The following MEGF9 variants were observed in gnomAD, a reference collection of about 807,000 sequenced individuals.
The protein encoded by MEGF9 is multiple EGF like domains 9.
A neutral mutation model predicts 46.8 loss-of-function variants in MEGF9; 6 were observed. The ratio of observed to expected loss-of-function variants is 0.13; its 90% CI spans 0.07 to 0.25. The LOEUF is 0.25. Among genes scored for constraint, MEGF9 ranks in the 10% least tolerant of loss-of-function variants. The pLI is 1.00. For synonymous variants in MEGF9, 302 were observed against 330.7 expected (o/e 0.91, Z 0.94); for missense variants, 683 against 792.4 (o/e 0.86, Z 1.66).
chr9:120,697,171 C>T (rs1005081086), intron 1 of MEGF9, among the ~76,000 whole-genome samples: 1 of 152,234 alleles, frequency 6.6e-6, no homozygotes, highest in African/African-American at 2.4e-5. Flanking sequence ...CAACCTCTGC[C>T]TCTTGGGCAC....
chr9:120,681,732 T>G (rs1766511106), intron 1 of MEGF9, among the ~76,000 whole-genome samples: 1 of 152,214 alleles, frequency 6.6e-6, no homozygotes, highest in African/African-American at 2.4e-5. Context: ...TTGGTAACTA[T>G]TCTTCAATTT....
intron 2 of MEGF9, among the ~76,000 whole-genome samples, chr9:120,638,490 T>C (rs1300271716): frequency 6.6e-6 from 1 of 152,166 alleles, no homozygotes; most frequent in Non-Finnish European, 1.5e-5. Context: ...ATACCCAAGT[T>C]CTAAGTCTTT....
intron 2 of MEGF9, among the ~76,000 whole-genome samples, chr9:120,651,397 G>C (rs2043648697): frequency 1.3e-5 from 2 of 152,146 alleles, no homozygotes; most frequent in African/African-American, 4.8e-5. Context: ...ATATACTCTA[G>C]ATCCAGACTG....
chr9:120,675,887 C>CAAAA (rs1173047863), intron 1 of MEGF9, among the ~76,000 whole-genome samples: 774 of 53,742 alleles, frequency 0.014, no homozygotes, highest in East Asian at 0.018. Flanking sequence ...GACTCCATCT[C>CAAAA]AAAAAAAAAA....
At chr9:120,667,062 T>C (rs2043728392) in intron 1 of MEGF9, among the ~76,000 whole-genome samples, 1 of 152,234 alleles carries the variant, frequency 6.6e-6, no homozygotes, top group South Asian at 2.1e-4. Context: ...TTTCATTGGA[T>C]ATAAATTTTA....
intron 2 of MEGF9, among the ~76,000 whole-genome samples, chr9:120,649,506 A>G (rs561193615): frequency 2.3e-4 from 35 of 152,256 alleles, no homozygotes; most frequent in African/African-American, 7.9e-4. Context: ...AATGCACCCT[A>G]TGATGGAATG....
chr9:120,706,811 G>C (rs980243063), intron 1 of MEGF9, among the ~76,000 whole-genome samples: 1 of 152,100 alleles, frequency 6.6e-6, no homozygotes, highest in Non-Finnish European at 1.5e-5. Flanking sequence ...CTCCAGCCCG[G>C]GACACAGAGT....
chr9:120,626,037 A>C (rs2043524087), intron 2 of MEGF9, among the ~76,000 whole-genome samples: 1 of 152,144 alleles, frequency 6.6e-6, no homozygotes, highest in Non-Finnish European at 1.5e-5. Flanking sequence ...AAGGCTGTGA[A>C]CAGACCACTT....
chr9:120,604,775 A>G lies in MEGF9; in HGVS notation c.*415T>C, dbSNP rs1242535003. The G allele has an allele frequency of 5.4e-6, 1 of 185,660 alleles. No homozygotes were observed. Among genetic ancestry groups the G allele is most frequent in the Non-Finnish European group, 1.1e-5 (1 of 87,096 alleles). 11.5% of individuals were successfully genotyped at this position (185,660 alleles called of 1,614,324 possible). On this transcript the variant is annotated 3_prime_UTR_variant, in exon 6 of 6. Coordinates refer to ENST00000373930, the MANE Select transcript of MEGF9 (RefSeq NM_001080497.3). Reference sequence around the variant, plus strand: ...TAGTAAAACGAATATAATCCCTGACACTGTTTTAAAAAAAATGTTTCAGGA... The same window carrying G: ...TAGTAAAACGAATATAATCCCTGACGCTGTTTTAAAAAAAATGTTTCAGGA...
At chr9:120,636,807 T>G (rs1184108097) in intron 2 of MEGF9, among the ~76,000 whole-genome samples, 1 of 151,416 alleles carries the variant, frequency 6.6e-6, no homozygotes, top group Non-Finnish European at 1.5e-5. Flanking sequence ...CCGCCCCGTC[T>G]GGGAGGTGGG....
intron 2 of MEGF9, among the ~76,000 whole-genome samples, chr9:120,657,041 T>C (rs1323047184): frequency 1.3e-5 from 2 of 152,242 alleles, no homozygotes; most frequent in East Asian, 1.9e-4. Flanking sequence ...GGTAAACTTT[T>C]TCCAAAAAGG....
At chr9:120,634,444 A>ATTTTTTTTT (rs1564416834) in intron 2 of MEGF9, among the ~76,000 whole-genome samples, 9 of 60,836 alleles carry the variant, frequency 1.5e-4, no homozygotes, top group Non-Finnish European at 2.6e-4. Flanking sequence ...TGTGTGGAAT[A>ATTTTTTTTT]TCTTTTTTTT....
At chr9:120,616,065 G>A (rs972981069) in intron 3 of MEGF9, among the ~76,000 whole-genome samples, 4 of 152,120 alleles carry the variant, frequency 2.6e-5, no homozygotes, top group Non-Finnish European at 5.9e-5. Flanking sequence ...CAACAGTCGT[G>A]AGAGGCAATA....
intron 2 of MEGF9, among the ~76,000 whole-genome samples, chr9:120,633,035 A>G (rs1265286726): frequency 6.6e-6 from 1 of 152,122 alleles, no homozygotes; most frequent in African/African-American, 2.4e-5. Flanking sequence ...ATTCAGGGAT[A>G]TGGGCCTGTA....
rs1250286017 is a variant in MEGF9, at chr9:120,611,824, A to AAGAAAGG, written c.1087+571_1087+572insCCTTTCT. Among the ~76,000 whole-genome samples the AAGAAAGG allele has an allele frequency of 7.3e-5, 10 of 137,146 alleles. 1 individual carries two copies. Among genetic ancestry groups the AAGAAAGG allele is most frequent in the African/African-American group, 2.5e-4 (8 of 31,588 alleles). The allele number at this position is 137,146 out of a possible 152,430, so 90.0% of individuals were successfully genotyped here. ...GGAAAGAAAGAAAGAAAAGAAAAGA[A>AAGAAAGG]AAGAAAGAAAGGAAGGAAGGAAGGA... On this transcript the variant is annotated intron_variant, in intron 4 of 5. Transcript: ENST00000373930.
Position 120,607,875 on chromosome 9 carries a change from G to A in MEGF9, c.1223C>T (p.Pro408Leu), listed in dbSNP as rs1021765807. Residue 408 changes from proline to leucine, a missense_variant, in exon 5 of 6, where the codon CCA becomes CTA. By Grantham distance (98) the Pro-to-Leu change is moderately conservative (BLOSUM62 -3). Coordinates refer to ENST00000373930, the MANE Select transcript of MEGF9 (RefSeq NM_001080497.3). Reference sequence around the variant, plus strand: ...CTTACAAATCTTTGGAGTTTTAACTGGGTCCACATGGCCGTGACATTGGCA... The same window carrying A: ...CTTACAAATCTTTGGAGTTTTAACTAGGTCCACATGGCCGTGACATTGGCA... Reference protein sequence around the residue: ...RKCQCHGHVDPVKTPKICKPE... With the variant: ...RKCQCHGHVDLVKTPKICKPE... The A allele has an allele frequency of 6.2e-7, 1 of 1,613,982 alleles. No individual in the cohort carries two copies. Among genetic ancestry groups the A allele is most frequent in the African/African-American group, 1.3e-5 (1 of 75,040 alleles).
At chr9:120,690,946 A>AGG (rs2043845368) in intron 1 of MEGF9, among the ~76,000 whole-genome samples, 1 of 152,204 alleles carries the variant, frequency 6.6e-6, no homozygotes, top group Non-Finnish European at 1.5e-5. Flanking sequence ...GAACTCAATA[A>AGG]ATATGTATGG....
intron 2 of MEGF9, among the ~76,000 whole-genome samples, chr9:120,638,598 A>C (rs1226660254): frequency 6.6e-6 from 1 of 152,208 alleles, no homozygotes; most frequent in Non-Finnish European, 1.5e-5. Flanking sequence ...GGGTGGTAAC[A>C]ATTTATACTC....
intron 1 of MEGF9, among the ~76,000 whole-genome samples, chr9:120,683,452 G>C (rs2043807802): frequency 6.6e-6 from 1 of 152,182 alleles, no homozygotes; most frequent in Non-Finnish European, 1.5e-5. Context: ...TGCTCTTCTA[G>C]TGATAGTGAG....
Sources: gnomAD v4.1 joint callset for allele counts (sites outside exome capture counted in the v4.1 genomes callset) on GRCh38, gnomAD v4.1.1 for gene constraint, MANE v1.5 for transcripts, NCBI Gene and HGNC (gene_info 2026-07-23, HGNC 2026-07-21) for gene names.